The following PAK1 variants were observed in gnomAD, a reference collection of about 807,000 sequenced individuals.
PAK1 encodes serine/threonine-protein kinase PAK 1.
In PAK1, 29 loss-of-function variants were observed where a neutral mutation model predicts 67.4. That is an observed-to-expected ratio of 0.43 (90% CI 0.32 to 0.59). The LOEUF (loss-of-function observed/expected upper bound fraction) is 0.59. Among genes scored for constraint, PAK1 ranks in the 20% least tolerant of loss-of-function variants. The pLI is 0.07. For synonymous variants in PAK1, 223 were observed against 237.4 expected, an observed-to-expected ratio of 0.94 and a Z score of 0.56; for missense variants, 337 against 670.7, an observed-to-expected ratio of 0.50 and a Z score of 5.50.
Position 77,323,194 on chromosome 11 carries a change from G to A in PAK1, c.*80C>T. ...GGGAGAAGCAAGGCAAGGAGAAGAG[G>A]GCATCAGGAGTTGGAATTTCTGAAA... On this transcript the variant is annotated 3_prime_UTR_variant, in exon 15 of 15. Coordinates refer to ENST00000356341, the MANE Select transcript of PAK1 (RefSeq NM_002576.5). 6.3e-7 allele frequency: 1 copy of A among 1,595,636 alleles called. No individual in the cohort carries two copies. Among genetic ancestry groups the A allele is most frequent in the Non-Finnish European group, 8.5e-7 (1 of 1,170,528 alleles).
chr11:77,468,094 G>A (rs780620724), intron 1 of PAK1, among the ~76,000 whole-genome samples: 17 of 152,226 alleles, frequency 1.1e-4, no homozygotes, highest in Admixed American at 2.0e-4. Flanking sequence ...AAATGCTCTT[G>A]CCAGCCTCAG....
chr11:77,451,178 A>G (rs1440061068), intron 1 of PAK1, among the ~76,000 whole-genome samples: 1 of 152,220 alleles, frequency 6.6e-6, no homozygotes, highest in Non-Finnish European at 1.5e-5. Flanking sequence ...AAGACATGCT[A>G]CCCCAAAATA....
At chr11:77,506,107 ACGAC>A in the PAK1 span, among the ~76,000 whole-genome samples, 2 of 152,212 alleles carry the variant, frequency 1.3e-5, no homozygotes, top group African/African-American at 4.8e-5. Context: ...ATGATAACCA[ACGAC>A]TGACATTTAA....
chr11:77,526,454 A>G, the PAK1 span, among the ~76,000 whole-genome samples: 1 of 152,250 alleles, frequency 6.6e-6, no homozygotes, highest in Admixed American at 6.5e-5. Context: ...GCATAAGAGT[A>G]ACATTGTTTA....
At chr11:77,515,574 T>G in the PAK1 span, among the ~76,000 whole-genome samples, 1 of 152,330 alleles carries the variant, frequency 6.6e-6, no homozygotes, top group Middle Eastern at 3.4e-3. Flanking sequence ...TTCTCGGATT[T>G]CTTATGAAAT....
At chr11:77,467,497 T>A (rs1375456759) in intron 1 of PAK1, among the ~76,000 whole-genome samples, 1 of 152,252 alleles carries the variant, frequency 6.6e-6, no homozygotes. Flanking sequence ...AAAATATTAC[T>A]TTTCATATAA....
chr11:77,331,776 A>G (rs1591681648), intron 14 of PAK1, among the ~76,000 whole-genome samples: 1 of 15,342 alleles, frequency 6.5e-5, no homozygotes, highest in South Asian at 1.4e-3. Flanking sequence ...CCTAAAACTT[A>G]AAAGTATAAT....
intron 2 of PAK1, among the ~76,000 whole-genome samples, chr11:77,385,322 T>C (rs961896860): frequency 5.3e-5 from 8 of 152,150 alleles, no homozygotes; most frequent in South Asian, 2.1e-4. Flanking sequence ...GAAAACTCAA[T>C]AGAAAAACCT....
chr11:77,468,659 G>A (rs1957710401), intron 1 of PAK1, among the ~76,000 whole-genome samples: 1 of 152,160 alleles, frequency 6.6e-6, no homozygotes. Flanking sequence ...ATCCTTTCTA[G>A]TTCAAACTGT....
intron 1 of PAK1, among the ~76,000 whole-genome samples, chr11:77,462,916 C>T (rs901329284): frequency 1.5e-5 from 2 of 136,190 alleles, no homozygotes; most frequent in African/African-American, 5.4e-5. Flanking sequence ...CACTTTCACT[C>T]ACTCAATCAA....
At chr11:77,476,151 CAA>C (rs973856187), upstream of PAK1, 2 of 152,452 alleles carry the variant, frequency 1.3e-5, no homozygotes, top group African/African-American at 4.8e-5. Context: ...GCCTGGGTGA[CAA>C]GAGCAAAACT....
At chr11:77,516,987 C>T in the PAK1 span, among the ~76,000 whole-genome samples, 1 of 151,828 alleles carries the variant, frequency 6.6e-6, no homozygotes, top group Admixed American at 6.6e-5. Context: ...GAGTTGGTGA[C>T]AGAGTGAGAC....
chr11:77,502,796 T>G, the PAK1 span, among the ~76,000 whole-genome samples: 1 of 152,120 alleles, frequency 6.6e-6, no homozygotes, highest in Admixed American at 6.6e-5. Flanking sequence ...GGTGCACATA[T>G]CTGCTTGTAA....
rs869219760 is a variant in PAK1, at chr11:77,381,178, G to GTGTGT, written c.191-1185_191-1184insACACA. On this transcript the variant is annotated intron_variant, in intron 2 of 14. Transcript: ENST00000356341. ...GTGTGTGTGTGTGTGTGTGTGTGTAGAGAGAGAGAGAGAAAGAGAGACCAG... is the reference window on the plus strand; with the variant it reads ...GTGTGTGTGTGTGTGTGTGTGTGTAGTGTGTAGAGAGAGAGAGAAAGAGAGACCAG... Among the ~76,000 whole-genome samples, 1,017 of 107,540 alleles carry GTGTGT rather than the reference G, an allele frequency of 9.5e-3. 9 individuals are homozygous for GTGTGT. Among genetic ancestry groups the GTGTGT allele is most frequent in the African/African-American group, 0.024 (864 of 35,696 alleles). 70.6% of individuals were successfully genotyped at this position (107,540 alleles called of 152,430 possible).
chr11:77,335,283 G>C (rs1235488164), intron 13 of PAK1, among the ~76,000 whole-genome samples: 1 of 151,992 alleles, frequency 6.6e-6, no homozygotes, highest in Non-Finnish European at 1.5e-5. Context: ...TATGTTTATA[G>C]TCCTGACTTC....
chr11:77,332,026 GT>G (rs1941656280), intron 14 of PAK1, among the ~76,000 whole-genome samples: 1 of 151,856 alleles, frequency 6.6e-6, no homozygotes, highest in Non-Finnish European at 1.5e-5. Context: ...AAGCAGGCTG[GT>G]CATGGTGGCC....
Position 77,323,246 on chromosome 11 carries a change from G to A in PAK1, c.*28C>T, listed in dbSNP as rs1176087666. The A allele has an allele frequency of 1.4e-5, 22 of 1,613,130 alleles. No individual in the cohort carries two copies. Among genetic ancestry groups the A allele is most frequent in the South Asian group, 2.2e-5 (2 of 91,032 alleles). ...GTGCATTTATCTCACAGAAGGCTTG[G>A]CACAATGAGGCTGGGGTGAGTGTGG... On this transcript the variant is annotated 3_prime_UTR_variant, in exon 15 of 15. Transcript: ENST00000356341.
At chr11:77,461,155 A>C (rs3015990) in intron 1 of PAK1, among the ~76,000 whole-genome samples, 32,465 of 152,180 alleles carry the variant, frequency 0.21, 4,584 homozygotes, top group Non-Finnish European at 0.31. Flanking sequence ...ATTTATTCTA[A>C]AGAAGTAATC....
At chr11:77,485,930 G>A in the PAK1 span, among the ~76,000 whole-genome samples, 104 of 152,344 alleles carry the variant, frequency 6.8e-4, no homozygotes, top group Non-Finnish European at 1.2e-3. Context: ...CGGTAAAAGA[G>A]ATGGCAGCTC....
Sources: gnomAD v4.1 joint callset for allele counts (sites outside exome capture counted in the v4.1 genomes callset) on GRCh38, gnomAD v4.1.1 for gene constraint, MANE v1.5 for transcripts, NCBI Gene and HGNC (gene_info 2026-07-23, HGNC 2026-07-21) for gene names.